SCMH1: variants seen among roughly 807,000 people sequenced by gnomAD.
The protein encoded by SCMH1 is polycomb protein SCMH1.
In SCMH1, 37 loss-of-function variants were observed where a neutral mutation model predicts 70.8. The ratio of observed to expected loss-of-function variants is 0.52; its 90% CI spans 0.40 to 0.69. SCMH1 has a LOEUF of 0.69. SCMH1 is among the 30% of genes least tolerant of loss of function. The pLI is 0.00. For synonymous variants in SCMH1, 292 were observed against 307.4 expected (o/e 0.95, Z 0.52); for missense variants, 607 against 827.3 (o/e 0.73, Z 3.27).
At chr1:41,052,340 A>G (rs1174818344) in intron 10 of SCMH1, among the ~76,000 whole-genome samples, 1 of 152,236 alleles carries the variant, frequency 6.6e-6, no homozygotes, top group Non-Finnish European at 1.5e-5. Context: ...TCACAGGAGC[A>G]TGAATCCTAT....
intron 10 of SCMH1, among the ~76,000 whole-genome samples, chr1:41,059,950 A>G (rs1312651633): frequency 2.0e-5 from 3 of 152,092 alleles, no homozygotes; most frequent in African/African-American, 4.8e-5. Context: ...ATTTTCCTTT[A>G]CAAATATATC....
intron 2 of SCMH1, among the ~76,000 whole-genome samples, chr1:41,173,611 G>A (rs1646926050): frequency 6.6e-6 from 1 of 152,028 alleles, no homozygotes; most frequent in South Asian, 2.1e-4. Context: ...TCCAATACTG[G>A]GTATATATCC....
chr1:41,081,616 G>A (rs1660044988), intron 8 of SCMH1, among the ~76,000 whole-genome samples: 1 of 152,112 alleles, frequency 6.6e-6, no homozygotes, highest in South Asian at 2.1e-4. Flanking sequence ...CCAGGAGTTT[G>A]AAACCAGCCT....
At chr1:41,032,192 T>C (rs575656360) in intron 13 of SCMH1, among the ~76,000 whole-genome samples, 12 of 152,320 alleles carry the variant, frequency 7.9e-5, no homozygotes, top group African/African-American at 1.9e-4. Context: ...CATGGTACTT[T>C]GTTAGAGCAG....
intron 6 of SCMH1, among the ~76,000 whole-genome samples, chr1:41,135,119 C>G (rs921296200): frequency 6.6e-6 from 1 of 152,056 alleles, no homozygotes; most frequent in African/African-American, 2.4e-5. Flanking sequence ...AGTATTCATA[C>G]ATGAGATTAT....
chr1:41,075,167 T>C, intron 9 of SCMH1, 52 bp downstream of exon 9: 1 of 1,574,470 alleles, frequency 6.4e-7, no homozygotes, highest in South Asian at 1.1e-5. Flanking sequence ...CCTGGCCGAA[T>C]GACCCCTTTA....
chr1:41,084,812 T>C (rs1350382759), intron 8 of SCMH1, among the ~76,000 whole-genome samples: 1 of 151,822 alleles, frequency 6.6e-6, no homozygotes, highest in East Asian at 1.9e-4. Flanking sequence ...AAATGATGAG[T>C]TCATATCCTT....
chr1:41,202,044 T>A (rs1305280722), intron 1 of SCMH1, among the ~76,000 whole-genome samples: 1 of 152,172 alleles, frequency 6.6e-6, no homozygotes, highest in African/African-American at 2.4e-5. Context: ...TTTAGCTTTT[T>A]GAGTTTTTTT....
chr1:41,144,305 T>C (rs1032846864), intron 5 of SCMH1, among the ~76,000 whole-genome samples: 2 of 152,176 alleles, frequency 1.3e-5, no homozygotes, highest in Non-Finnish European at 2.9e-5. Context: ...CTACTTTCTG[T>C]TTCCATGGAT....
At chr1:41,079,817 A>G (rs1243883043) in intron 8 of SCMH1, among the ~76,000 whole-genome samples, 1 of 152,082 alleles carries the variant, frequency 6.6e-6, no homozygotes, top group Non-Finnish European at 1.5e-5. Flanking sequence ...AGCCTGGATT[A>G]CAGGCTCTAT....
chr1:41,121,897 CCTTT>C (rs1672043218), intron 6 of SCMH1, among the ~76,000 whole-genome samples: 1 of 152,088 alleles, frequency 6.6e-6, no homozygotes, highest in African/African-American at 2.4e-5. Flanking sequence ...TTGATTCTTC[CCTTT>C]CTATCACCCA....
At chr1:41,075,523 G>C in intron 8 of SCMH1, 72 bp from the exon 9 acceptor site, 1 of 1,293,302 alleles carries the variant, frequency 7.7e-7, no homozygotes, top group Non-Finnish European at 1.1e-6. Flanking sequence ...AGAAAAAAAG[G>C]ACTTGCCACT....
chr1:41,040,728 G>A (rs1269587720), intron 12 of SCMH1, among the ~76,000 whole-genome samples: 1 of 152,088 alleles, frequency 6.6e-6, no homozygotes, highest in Admixed American at 6.5e-5. Context: ...GCCGGGCGTG[G>A]TGGTGCATGC....
At chr1:41,055,495 A>G (rs1649917077) in intron 10 of SCMH1, among the ~76,000 whole-genome samples, 1 of 152,084 alleles carries the variant, frequency 6.6e-6, no homozygotes, top group South Asian at 2.1e-4. Flanking sequence ...GACTACAGGC[A>G]CCCACCACCA....
intron 1 of SCMH1, among the ~76,000 whole-genome samples, chr1:41,226,590 C>A (rs557384576): frequency 4.6e-4 from 70 of 152,016 alleles, no homozygotes; most frequent in Non-Finnish European, 9.6e-4. Flanking sequence ...GACCTAAATT[C>A]ATTTAGTCAA....
At chr1:41,072,505 G>A (rs1571800801) in intron 9 of SCMH1, among the ~76,000 whole-genome samples, 2 of 152,298 alleles carry the variant, frequency 1.3e-5, no homozygotes, top group Admixed American at 1.3e-4. Context: ...ATGGAGATAA[G>A]ATCTAAACCT....
chr1:41,096,548 A>G (rs926905329), intron 8 of SCMH1, among the ~76,000 whole-genome samples: 2 of 152,222 alleles, frequency 1.3e-5, no homozygotes, highest in African/African-American at 4.8e-5. Flanking sequence ...GACTGTAGTG[A>G]ACTTTCTGCT....
intron 4 of SCMH1, among the ~76,000 whole-genome samples, chr1:41,157,508 C>G (rs1289458790): frequency 6.6e-6 from 1 of 152,154 alleles, no homozygotes; most frequent in Admixed American, 6.5e-5. Flanking sequence ...ACCACAGGGT[C>G]CCTCTGAAAA....
intron 8 of SCMH1, among the ~76,000 whole-genome samples, chr1:41,095,404 C>G (rs1372129536): frequency 6.6e-6 from 1 of 152,176 alleles, no homozygotes; most frequent in Non-Finnish European, 1.5e-5. Context: ...TGCAGTCCCA[C>G]AGTCACAATT....
Sources: gnomAD v4.1 joint callset for allele counts (sites outside exome capture counted in the v4.1 genomes callset) on GRCh38, gnomAD v4.1.1 for gene constraint, MANE v1.5 for transcripts, NCBI Gene and HGNC (gene_info 2026-07-23, HGNC 2026-07-21) for gene names.